The following ARHGEF18 variants were observed in gnomAD, a reference collection of about 807,000 sequenced individuals.
The protein encoded by ARHGEF18 is Rho/Rac guanine nucleotide exchange factor 18.
A neutral mutation model predicts 155.7 loss-of-function variants in ARHGEF18; 93 were observed. The ratio of observed to expected loss-of-function variants is 0.60; its 90% CI spans 0.50 to 0.71. The LOEUF (loss-of-function observed/expected upper bound fraction) is 0.71. ARHGEF18 is among the 30% of genes least tolerant of loss of function. ARHGEF18 has a pLI of 0.00. For missense variants in ARHGEF18, 1,593 were observed against 1,816.1 expected (o/e 0.88, Z 2.23); for synonymous variants, 742 against 753.1 (o/e 0.99, Z 0.24).
intron 10 of ARHGEF18, among the ~76,000 whole-genome samples, chr19:7,386,028 C>G (rs1334558858): frequency 7.0e-6 from 1 of 142,302 alleles, no homozygotes; most frequent in Non-Finnish European, 1.5e-5. Context: ...CCCTCTCCCT[C>G]TCTCCCTCTC....
chr19:7,354,516 T>C (rs1200192864), intron 1 of ARHGEF18, among the ~76,000 whole-genome samples: 1 of 151,730 alleles, frequency 6.6e-6, no homozygotes, highest in Non-Finnish European at 1.5e-5. Flanking sequence ...ACACAAGGAG[T>C]GAAGACGCTG....
chr19:7,362,721 T>C (rs11260007), intron 1 of ARHGEF18, 60 bp from the exon 2 acceptor site: 1,128,242 of 1,228,722 alleles, frequency 0.92, 525,215 homozygotes, highest in Non-Finnish European at 0.95. Context: ...AGAATCCAGG[T>C]CCTGGCTTCC....
At position 7,395,172 on chromosome 19, in the gene ARHGEF18, G is replaced by A; in HGVS notation, c.967+11969G>A. 1 of 986,094 alleles carries A rather than the reference G, an allele frequency of 1.0e-6. No individual in the cohort carries two copies. The highest frequency in any genetic ancestry group is 4.7e-5 in the South Asian group (1 of 21,318). The allele number at this position is 986,094 out of a possible 1,614,324, so 61.1% of individuals were successfully genotyped here. Reference sequence around the variant, plus strand: ...TAGCTACTGTGGATCTGGGGGGGCCGGACGGAGGCATCGGAGGCGGCTGCG... The same window carrying A: ...TAGCTACTGTGGATCTGGGGGGGCCAGACGGAGGCATCGGAGGCGGCTGCG... On this transcript the variant is annotated intron_variant, in intron 10 of 28. Coordinates refer to ENST00000668164, the MANE Select transcript of ARHGEF18 (RefSeq NM_001367823.1). The surrounding 1 kb of genome is among the most constrained non-coding windows in gnomAD (Gnocchi z 5.0).
At chr19:7,473,187 G>T (rs1487497665), downstream of ARHGEF18, 2 of 456,132 alleles carry the variant, frequency 4.4e-6, no homozygotes, top group Admixed American at 2.3e-5. Flanking sequence ...CTGAGTCCCG[G>T]TCCAGTGAGG....
intron 27 of ARHGEF18, among the ~76,000 whole-genome samples, chr19:7,469,389 A>G (rs1415610817): frequency 1.3e-5 from 2 of 152,182 alleles, no homozygotes; most frequent in African/African-American, 4.8e-5. Flanking sequence ...GAGCCTTAGA[A>G]AGGGACACGG....
intron 10 of ARHGEF18, among the ~76,000 whole-genome samples, chr19:7,424,733 C>T (rs942490136): frequency 2.0e-5 from 3 of 152,152 alleles, no homozygotes; most frequent in South Asian, 2.1e-4. Context: ...CGGTGGCTCA[C>T]GCCTGTAATC....
intron 10 of ARHGEF18, among the ~76,000 whole-genome samples, chr19:7,406,170 A>G (rs1024158193): frequency 1.3e-5 from 2 of 151,900 alleles, no homozygotes; most frequent in African/African-American, 4.8e-5. Flanking sequence ...AACCTCCACC[A>G]TCCGCTTGGG....
rs1245372682 is a variant in ARHGEF18, at chr19:7,441,997, A to G, written c.1305A>G (p.Ala435=). ...AGTCCTGGAGCCTCGCCGTGGATGC[A>G]GCCTACGCCAAGAAGCAAAAGAGGG... ...EAESWSLAVD[A]AYAKKQKREV... The change falls in exon 13 of 29, where the codon GCA becomes GCG. Residue 435 remains alanine (A), a synonymous_variant. Transcript: ENST00000668164. 9 of 1,614,090 alleles carry G rather than the reference A, an allele frequency of 5.6e-6. No individual in the cohort carries two copies. The East Asian group carries it at 2.0e-4, about 36-fold the overall frequency.
intron 22 of ARHGEF18, 49 bp from the exon 23 acceptor site, chr19:7,464,511 C>T (rs908621597): frequency 5.7e-6 from 9 of 1,565,294 alleles, no homozygotes; most frequent in Non-Finnish European, 7.8e-6. Context: ...AAGCTTCCCC[C>T]TCCCCACGGG....
chr19:7,434,185 G>A (rs781547844), intron 10 of ARHGEF18, among the ~76,000 whole-genome samples: 5 of 151,890 alleles, frequency 3.3e-5, no homozygotes, highest in Admixed American at 6.6e-5. Flanking sequence ...TAGAGACAGG[G>A]TCTATGTTGC....
At chr19:7,425,867 G>T (rs1278796353) in intron 10 of ARHGEF18, among the ~76,000 whole-genome samples, 1 of 151,966 alleles carries the variant, frequency 6.6e-6, no homozygotes, top group Non-Finnish European at 1.5e-5. Context: ...AGACATATTG[G>T]TGTGTGCCCG....
intron 2 of ARHGEF18, 47 bp from the exon 3 acceptor site, chr19:7,372,765 C>T: frequency 8.1e-7 from 1 of 1,234,184 alleles, no homozygotes; most frequent in Non-Finnish European, 1.0e-6. Context: ...GTTCTGCTGC[C>T]CCTTGGTCAA....
intron 26 of ARHGEF18, among the ~76,000 whole-genome samples, chr19:7,468,445 G>A (rs1026385802): frequency 6.6e-6 from 1 of 152,172 alleles, no homozygotes; most frequent in Admixed American, 6.5e-5. Context: ...TACTTGGGAG[G>A]CTGAGGCAGG....
In ARHGEF18 at chr19:7,444,586, A is replaced by G. The variant is rs553590927; in HGVS notation, c.1611+132A>G. 395 of 1,301,860 alleles carry G rather than the reference A, an allele frequency of 3.0e-4. 3 individuals are homozygous for G. The South Asian group carries it at 4.4e-3, about 15-fold the overall frequency. 80.6% of individuals were successfully genotyped at this position (1,301,860 alleles called of 1,614,324 possible). A position where few individuals can be genotyped will look rare whatever the true frequency, so the allele number is the denominator to read the frequency against. On this transcript the variant is annotated intron_variant, in intron 14 of 28. Coordinates refer to ENST00000668164, the MANE Select transcript of ARHGEF18 (RefSeq NM_001367823.1). This position sits in a 1 kb window ranked among gnomAD's most constrained non-coding sequence, Gnocchi z 4.7. ...AGTGCAGTGGTGCAGTCACAGCTCAATGCAGCCTCAACCTCTCAGGCTCAG... is the reference window on the plus strand; with the variant it reads ...AGTGCAGTGGTGCAGTCACAGCTCAGTGCAGCCTCAACCTCTCAGGCTCAG...
At position 7,373,044 on chromosome 19, in the gene ARHGEF18, C is replaced by T. The variant is rs570524150; in HGVS notation, c.248C>T (p.Ser83Leu). The part of the protein sequence containing the change: ...DLSRRRSWER[S>L]RSCSESWRRL... ...TCAAGGCGGCGCAGCTGGGAAAGGT[C>T]GCGGAGCTGCTCAGAGAGCTGGCGG... The change falls in exon 3 of 29, where the codon TCG becomes TTG. Residue 83 changes from serine to leucine, a missense_variant. Ser to Leu is a moderately radical substitution (Grantham distance 145). Transcript: ENST00000668164. 4 of 1,234,402 alleles carry T rather than the reference C, an allele frequency of 3.2e-6. No individual in the cohort carries two copies. The highest frequency in any genetic ancestry group is 4.1e-5 in the South Asian group (1 of 24,406). 76.5% of individuals were successfully genotyped at this position (1,234,402 alleles called of 1,614,324 possible). A position where few individuals can be genotyped will look rare whatever the true frequency, so the allele number is the denominator to read the frequency against.
chr19:7,450,567 T>C (rs1326009174), intron 15 of ARHGEF18, among the ~76,000 whole-genome samples: 3 of 90,550 alleles, frequency 3.3e-5, no homozygotes, highest in Admixed American at 1.2e-4. Context: ...ATTTCCGAGG[T>C]GTGAATGTCG....
rs1453321791 is a variant in ARHGEF18, at chr19:7,471,685, A to T, written c.*1387A>T. ...GGACATTCCCGCCACTCGGGGACAGATGGGCACAAGGGAGGGGAAACTCCA... is the reference window on the plus strand; with the variant it reads ...GGACATTCCCGCCACTCGGGGACAGTTGGGCACAAGGGAGGGGAAACTCCA... On this transcript the variant is annotated 3_prime_UTR_variant, in exon 29 of 29. Transcript: ENST00000668164. This position sits in a 1 kb window ranked among gnomAD's most constrained non-coding sequence, Gnocchi z 4.4. 6.6e-6 allele frequency: 1 copy of T among 152,282 alleles called. No homozygotes were observed. The highest frequency in any genetic ancestry group is 1.5e-5 in the Non-Finnish European group (1 of 68,110). The allele number at this position is 152,282 out of a possible 1,614,324, so 9.4% of individuals were successfully genotyped here.
In ARHGEF18 at chr19:7,440,333, C is replaced by G. The variant is rs959650395; in HGVS notation, c.968-11C>G. The G allele has an allele frequency of 6.2e-7, 1 of 1,611,858 alleles. No homozygotes were observed. The highest frequency in any genetic ancestry group is 8.5e-7 in the Non-Finnish European group (1 of 1,179,148). Reference sequence around the variant, plus strand: ...TTCTCAGCACCAACTCTGTCCTTGCCTCTGTCACAGCCTCGCTCAAGGAGC... The same window carrying G: ...TTCTCAGCACCAACTCTGTCCTTGCGTCTGTCACAGCCTCGCTCAAGGAGC... On this transcript the variant is annotated splice_polypyrimidine_tract_variant and intron_variant, in intron 10 of 28. Coordinates refer to ENST00000668164, the MANE Select transcript of ARHGEF18 (RefSeq NM_001367823.1). This position sits in a 1 kb window ranked among gnomAD's most constrained non-coding sequence, Gnocchi z 5.4.
At chr19:7,442,960 G>GC (rs1974759743) in intron 13 of ARHGEF18, among the ~76,000 whole-genome samples, 2 of 151,906 alleles carry the variant, frequency 1.3e-5, no homozygotes, top group African/African-American at 4.8e-5. Flanking sequence ...TGCAGTCTCA[G>GC]CTCCCTGCAA....
Sources: allele counts gnomAD v4.1 joint callset (sites outside exome capture counted in the v4.1 genomes callset), GRCh38; gene constraint gnomAD v4.1.1; non-coding constraint Gnocchi (gnomAD v3.1); transcripts MANE v1.5; gene names NCBI Gene and HGNC (gene_info 2026-07-23, HGNC 2026-07-21).